PIWIL2: variants seen among roughly 807,000 people sequenced by gnomAD.
PIWIL2 encodes the protein piwi like RNA-mediated gene silencing 2.
In PIWIL2, 81 loss-of-function variants were observed where a neutral mutation model predicts 116.5. The observed-to-expected ratio is 0.70, with a 90% CI of 0.58 to 0.84. The LOEUF is 0.84. Ranked by LOEUF, PIWIL2 falls within the 40% of genes least tolerant of loss-of-function variation. The pLI, the probability that PIWIL2 is intolerant of heterozygous loss-of-function variation, is 0.00. For missense variants in PIWIL2, 1,272 were observed against 1,212.3 expected, an observed-to-expected ratio of 1.05 and a Z score of -0.73; for synonymous variants, 489 against 429.5, an observed-to-expected ratio of 1.14 and a Z score of -1.71.
chr8:22,317,101 G>A (rs1286473414), intron 19 of PIWIL2, among the ~76,000 whole-genome samples: 1 of 152,172 alleles, frequency 6.6e-6, no homozygotes, highest in Non-Finnish European at 1.5e-5. Context: ...TAACAAACTT[G>A]GCACGGGTGT....
At chr8:22,311,392 T>A in intron 16 of PIWIL2, 92 bp downstream of exon 16, 2 of 1,007,792 alleles carry the variant, frequency 2.0e-6, no homozygotes. Context: ...AGTCTGCTGT[T>A]GATGATGCCC....
At position 22,356,857 on chromosome 8, in the gene PIWIL2, T is replaced by C. The variant is rs923679653; in HGVS notation, c.*1352T>C. 3 of 152,168 alleles carry C rather than the reference T, an allele frequency of 2.0e-5. No homozygotes were observed. Among genetic ancestry groups the C allele is most frequent in the Non-Finnish European group, 4.4e-5 (3 of 68,032 alleles). The allele number at this position is 152,168 out of a possible 1,614,324, so 9.4% of individuals were successfully genotyped here. A position where few individuals can be genotyped will look rare whatever the true frequency, so the allele number is the denominator to read the frequency against. On this transcript the variant is annotated 3_prime_UTR_variant, in exon 23 of 23. Coordinates refer to ENST00000356766, the MANE Select transcript of PIWIL2 (RefSeq NM_018068.5). ...TGGAAACCCGTTTTTTTCTGGTTTT[T>C]TTTCCCCCCTCTCCATTTTAGAATC...
chr8:22,295,618 C>T (rs1429399830), intron 10 of PIWIL2, among the ~76,000 whole-genome samples: 1 of 152,164 alleles, frequency 6.6e-6, no homozygotes, highest in Non-Finnish European at 1.5e-5. Context: ...ATGTCCATGT[C>T]TGTCAGGGAG....
chr8:22,302,569 G>C lies in PIWIL2; in HGVS notation c.1182-1452G>C, dbSNP rs1304905572. ...GTGGCGTGCGGCTGCTGATGTCTTT[G>C]CTCGGTTTTTCCTTATTATCATTTT... On this transcript the variant is annotated intron_variant, in intron 10 of 22. Coordinates refer to ENST00000356766, the MANE Select transcript of PIWIL2 (RefSeq NM_018068.5). Among the ~76,000 whole-genome samples the C allele has an allele frequency of 2.6e-5, 4 of 152,144 alleles. No individual in the cohort carries two copies. In the South Asian group the frequency reaches 8.3e-4, roughly 32 times the overall value.
Position 22,307,865 on chromosome 8 carries a change from T to C in PIWIL2, c.1546-68T>C, listed in dbSNP as rs1268993347. 15 of 1,238,374 alleles carry C rather than the reference T, an allele frequency of 1.2e-5. No homozygotes were observed. The Middle Eastern group carries it at 7.8e-4, about 64-fold the overall frequency. The allele number at this position is 1,238,374 out of a possible 1,614,324, so 76.7% of individuals were successfully genotyped here. On this transcript the variant is annotated intron_variant, in intron 13 of 22. Transcript: ENST00000356766. Reference sequence around the variant, plus strand: ...GGAAAGAGAAACATTTTAGACCTACTGGGGTTTATTTAACTTCATATTGGT... The same window carrying C: ...GGAAAGAGAAACATTTTAGACCTACCGGGGTTTATTTAACTTCATATTGGT...
intron 20 of PIWIL2, among the ~76,000 whole-genome samples, chr8:22,351,785 C>G (rs576754282): frequency 6.6e-6 from 1 of 151,460 alleles, no homozygotes; most frequent in African/African-American, 2.4e-5. Context: ...GTGATCCACC[C>G]ACCTCGGCCT....
At chr8:22,334,267 G>A (rs755952265) in intron 20 of PIWIL2, among the ~76,000 whole-genome samples, 9 of 151,932 alleles carry the variant, frequency 5.9e-5, no homozygotes, top group South Asian at 4.2e-4. Context: ...GAGACACCAC[G>A]CCTGGCCCTG....
intron 20 of PIWIL2, among the ~76,000 whole-genome samples, chr8:22,347,776 C>CAAGGGATACTAAAATTAA (rs1832263802): frequency 6.6e-6 from 1 of 151,830 alleles, no homozygotes; most frequent in African/African-American, 2.4e-5. Context: ...ATCCGCCCAC[C>CAAGGGATACTAAAATTAA]TCGGCCTCCC....
chr8:22,279,400 G>C lies in PIWIL2; in HGVS notation c.14G>C (p.Arg5Pro). 6.2e-7 allele frequency: 1 copy of C among 1,614,024 alleles called. No individual in the cohort carries two copies. The highest frequency in any genetic ancestry group is 8.5e-7 in the Non-Finnish European group (1 of 1,179,970). The change falls in exon 2 of 23, where the codon CGA (arginine) becomes CCA (proline). Residue 5 changes from arginine (R) to proline (P), a missense_variant. Coordinates refer to ENST00000356766, the MANE Select transcript of PIWIL2 (RefSeq NM_018068.5). Reference protein sequence around the residue: MDPFRPSFRGQSPIH... With the variant: MDPFPPSFRGQSPIH... ...TACAGCCCGTCCATGGATCCTTTCC[G>C]ACCATCGTTCAGGGGCCAGTCTCCT... is the stretch of plus-strand genomic sequence containing the variant.
At chr8:22,296,459 G>T (rs1830909918) in intron 10 of PIWIL2, among the ~76,000 whole-genome samples, 1 of 152,156 alleles carries the variant, frequency 6.6e-6, no homozygotes, top group South Asian at 2.1e-4. Context: ...TCCAGAAGAA[G>T]TATGCATTGG....
chr8:22,309,585 C>T (rs1314787128), intron 14 of PIWIL2, among the ~76,000 whole-genome samples: 1 of 152,178 alleles, frequency 6.6e-6, no homozygotes, highest in Non-Finnish European at 1.5e-5. Flanking sequence ...GTGATCTGCC[C>T]TCCTCGGCCT....
intron 15 of PIWIL2, among the ~76,000 whole-genome samples, chr8:22,310,850 T>C (rs746235758): frequency 3.3e-4 from 50 of 152,214 alleles, no homozygotes; most frequent in Non-Finnish European, 5.0e-4. Flanking sequence ...GTCTGGCTTC[T>C]TTTCTTAAAT....
chr8:22,289,724 C>G, intron 8 of PIWIL2, 123 bp from the exon 9 acceptor site: 1 of 643,434 alleles, frequency 1.6e-6, no homozygotes, highest in Admixed American at 2.8e-5. Context: ...TAAAAGCTGT[C>G]TTCTGCAAAG....
At position 22,288,542 on chromosome 8, in the gene PIWIL2, GT is replaced by G; in HGVS notation, c.864del (p.Glu290SerfsTer2). 6.2e-7 allele frequency: 1 copy of G among 1,611,504 alleles called. No individual in the cohort carries two copies. The highest frequency in any genetic ancestry group is 8.5e-7 in the Non-Finnish European group (1 of 1,178,180). ...ILYLPVKLQQ[V>X]LELKSQRKTD... The stretch of plus-strand genomic sequence containing the variant: ...TCACCTGTGTGTATTTATTTGTTAG[GT>G]TCTTGAGTTAAAAAGTCAAAGGAAA... On this transcript the variant is annotated frameshift_variant and splice_region_variant, in exon 8 of 23. Transcript: ENST00000356766. LOFTEE classifies it high-confidence loss of function.
At position 22,353,092 on chromosome 8, in the gene PIWIL2, A is replaced by G. The variant is rs750478502; in HGVS notation, c.2537A>G (p.Lys846Arg). ...GAAGCTTTTGAGAATTATCAGCCCA[A>G]GATGGTGGTGTTTGTAGTTCAGAAG... is the stretch of plus-strand genomic sequence containing the variant. The part of the protein sequence containing the change: ...CFEAFENYQP[K>R]MVVFVVQKKI... Residue 846 changes from lysine to arginine, a missense_variant, in exon 21 of 23, where the codon AAG becomes AGG. Lys to Arg is a conservative substitution (Grantham distance 26, BLOSUM62 2). Transcript: ENST00000356766. 22 of 1,614,114 alleles carry G rather than the reference A, an allele frequency of 1.4e-5. No individual in the cohort carries two copies. Among genetic ancestry groups the G allele is most frequent in the Non-Finnish European group, 1.9e-5 (22 of 1,180,042 alleles).
At chr8:22,336,273 C>T (rs768239356) in intron 20 of PIWIL2, among the ~76,000 whole-genome samples, 25 of 152,098 alleles carry the variant, frequency 1.6e-4, no homozygotes, top group Non-Finnish European at 3.7e-4. Context: ...TGACTTTAAT[C>T]TTTCAAAATA....
chr8:22,283,003 A>T (rs369692519), intron 4 of PIWIL2, 31 bp from the exon 5 acceptor site: 1 of 1,552,482 alleles, frequency 6.4e-7, no homozygotes, highest in Non-Finnish European at 8.9e-7. Flanking sequence ...ATTATAAAAA[A>T]CCCTGATTTG....
intron 20 of PIWIL2, among the ~76,000 whole-genome samples, chr8:22,338,730 A>T (rs1832038417): frequency 6.6e-6 from 1 of 151,506 alleles, no homozygotes; most frequent in Admixed American, 6.6e-5. Context: ...AAATAACAAC[A>T]TTTATGCATT....
At chr8:22,322,192 T>C (rs1283587590) in intron 20 of PIWIL2, among the ~76,000 whole-genome samples, 1 of 152,172 alleles carries the variant, frequency 6.6e-6, no homozygotes, top group Non-Finnish European at 1.5e-5. Flanking sequence ...CCTTGAATAG[T>C]TGATTTTGCT....
Sources: gnomAD v4.1 joint callset for allele counts (sites outside exome capture counted in the v4.1 genomes callset) on GRCh38, gnomAD v4.1.1 for gene constraint, MANE v1.5 for transcripts, NCBI Gene and HGNC (gene_info 2026-07-23, HGNC 2026-07-21) for gene names.